Variants in MDN1 observed in about 807,000 individuals in gnomAD.
MDN1 encodes midasin AAA ATPase 1.
A neutral mutation model predicts 669.2 loss-of-function variants in MDN1; 266 were observed. That is an observed-to-expected ratio of 0.40 (90% CI 0.36 to 0.44). MDN1 has a LOEUF of 0.44. Among genes scored for constraint, MDN1 ranks in the 20% least tolerant of loss-of-function variants. The pLI is 1.00. For missense variants in MDN1, 5,940 were observed against 6,754.0 expected (o/e 0.88, Z 4.22); for synonymous variants, 2,385 against 2,457.1 (o/e 0.97, Z 0.87).
intron 79 of MDN1, 94 bp from the exon 80 acceptor site, chr6:89,673,556 G>A: frequency 9.1e-7 from 1 of 1,101,504 alleles, no homozygotes; most frequent in Non-Finnish European, 1.3e-6. Context: ...ATGCAAGGTA[G>A]AACTCATCAT....
chr6:89,696,669 A>C, intron 59 of MDN1, 95 bp from the exon 60 acceptor site: 1 of 940,622 alleles, frequency 1.1e-6, no homozygotes, highest in Non-Finnish European at 1.7e-6. Context: ...CAGACAGTTC[A>C]GGTTGCTTGG....
intron 14 of MDN1, 76 bp downstream of exon 14, chr6:89,772,497 T>G: frequency 6.5e-7 from 1 of 1,532,288 alleles, no homozygotes; most frequent in Non-Finnish European, 8.9e-7. Context: ...GTCTTTGGAT[T>G]TAGTATTTTT....
intron 64 of MDN1, 149 bp downstream of exon 64, chr6:89,690,524 C>T: frequency 9.7e-7 from 1 of 1,029,758 alleles, no homozygotes; most frequent in Non-Finnish European, 1.4e-6. Flanking sequence ...CGCCACTGCA[C>T]TCCAGCCTGG....
chr6:89,722,104 T>C (rs1814868153), intron 40 of MDN1, among the ~76,000 whole-genome samples: 1 of 152,232 alleles, frequency 6.6e-6, no homozygotes, highest in Non-Finnish European at 1.5e-5. Flanking sequence ...CTATAGCTAC[T>C]GTGAGCATTC....
chr6:89,797,288 T>C (rs1272144179), intron 2 of MDN1, among the ~76,000 whole-genome samples: 1 of 144,284 alleles, frequency 6.9e-6, no homozygotes, highest in African/African-American at 2.6e-5. Flanking sequence ...GAGAATCGCT[T>C]GAACCTGGGA....
intron 39 of MDN1, 23 bp from the exon 40 acceptor site, chr6:89,723,166 G>A (rs1241384730): frequency 1.9e-6 from 3 of 1,608,088 alleles, no homozygotes; most frequent in South Asian, 1.1e-5. Flanking sequence ...CATCCTGATT[G>A]GGAAACATGC....
intron 27 of MDN1, 93 bp downstream of exon 27, chr6:89,747,236 T>C: frequency 1.4e-6 from 2 of 1,401,542 alleles, no homozygotes; most frequent in Non-Finnish European, 2.0e-6. Context: ...GTCAAATGTA[T>C]GTATCAATCA....
At chr6:89,774,208 A>G (rs1275633120) in intron 13 of MDN1, among the ~76,000 whole-genome samples, 1 of 152,216 alleles carries the variant, frequency 6.6e-6, no homozygotes. Flanking sequence ...CAACCACTAC[A>G]TGAGAAAATA....
At chr6:89,665,331 TTA>T (rs1810113229) in intron 84 of MDN1, among the ~76,000 whole-genome samples, 2 of 152,128 alleles carry the variant, frequency 1.3e-5, no homozygotes, top group South Asian at 4.1e-4. Flanking sequence ...CCAGCCTAAT[TTA>T]TATGTTTCTA....
Position 89,687,036 on chromosome 6 carries a change from G to A in MDN1, c.11451-13C>T. The A allele has an allele frequency of 1.2e-6, 2 of 1,610,138 alleles. No individual in the cohort carries two copies. The highest frequency in any genetic ancestry group is 1.7e-5 in the Admixed American group (1 of 58,788). Reference sequence around the variant, plus strand: ...CATGGACCAGCAGCTGAAACGAGAAGAAGCCAAGGAGGCATTTAGGAAAAC... The same window carrying A: ...CATGGACCAGCAGCTGAAACGAGAAAAAGCCAAGGAGGCATTTAGGAAAAC... On this transcript the variant is annotated splice_polypyrimidine_tract_variant and intron_variant, in intron 68 of 101. Coordinates refer to ENST00000369393, the MANE Select transcript of MDN1 (RefSeq NM_014611.3).
At chr6:89,687,585 A>G in intron 67 of MDN1, 147 bp from the exon 68 acceptor site, 1 of 667,932 alleles carries the variant, frequency 1.5e-6, no homozygotes, top group Non-Finnish European at 2.5e-6. Context: ...TTTACAGTGT[A>G]TCAGCTTCAA....
intron 92 of MDN1, 38 bp from the exon 93 acceptor site, chr6:89,654,372 G>A: frequency 6.2e-7 from 1 of 1,608,664 alleles, no homozygotes; most frequent in Non-Finnish European, 8.5e-7. Flanking sequence ...AAAAATCCTA[G>A]GTCTTTGCAG....
At chr6:89,815,201 G>C in intron 1 of MDN1, 1 of 384,484 alleles carries the variant, frequency 2.6e-6, no homozygotes, top group Non-Finnish European at 5.1e-6. Context: ...TACGGCAGTG[G>C]AGGCGGGAGA....
At chr6:89,731,157 G>C (rs1424348220) in intron 34 of MDN1, among the ~76,000 whole-genome samples, 1 of 152,192 alleles carries the variant, frequency 6.6e-6, no homozygotes, top group African/African-American at 2.4e-5. Flanking sequence ...GTCACTCAGT[G>C]ATAAATCAGC....
At position 89,797,351 on chromosome 6, in the gene MDN1, C is replaced by T. The variant is rs557786791; in HGVS notation, c.330-2550G>A. Among the ~76,000 whole-genome samples, 27 of 123,454 alleles carry T rather than the reference C, an allele frequency of 2.2e-4. 1 individual carries two copies. The South Asian group carries it at 4.6e-3, about 21-fold the overall frequency. 81.0% of individuals were successfully genotyped at this position (123,454 alleles called of 152,430 possible). On this transcript the variant is annotated intron_variant, in intron 2 of 101. Coordinates refer to ENST00000369393, the MANE Select transcript of MDN1 (RefSeq NM_014611.3). ...ATCACGCCACTGCACTCCAGCCTGG[C>T]GACAGAGCAAGACTCCATCTCAAAA... is the stretch of plus-strand genomic sequence containing the variant.
intron 1 of MDN1, chr6:89,814,952 T>C: frequency 2.0e-6 from 1 of 491,024 alleles, no homozygotes; most frequent in Non-Finnish European, 3.8e-6. Context: ...AAGAGCACCC[T>C]GGGTGCCATG....
rs758409705 is a variant in MDN1 at position 89,693,166 on chromosome 6, C to T, written c.9882-18G>A. The T allele has an allele frequency of 4.0e-6, 6 of 1,510,052 alleles. No homozygotes were observed. In the South Asian group the frequency reaches 6.4e-5, roughly 16 times the overall value. The allele number at this position is 1,510,052 out of a possible 1,614,324, so 93.5% of individuals were successfully genotyped here. On this transcript the variant is annotated intron_variant, in intron 62 of 101. Transcript: ENST00000369393. The stretch of plus-strand genomic sequence containing the variant: ...GAAGCAGCCTAACGGGAAATTAACA[C>T]AATATGCCAATTATGTCAGAAGAAG...
chr6:89,690,174 T>C, intron 64 of MDN1, 31 bp from the exon 65 acceptor site: 3 of 1,600,638 alleles, frequency 1.9e-6, no homozygotes, highest in Middle Eastern at 1.7e-4. Flanking sequence ...ATTGAACTTT[T>C]AAAAATCAGA....
In MDN1 at chr6:89,789,898, A is replaced by G. The variant is rs1819160972; in HGVS notation, c.1112T>C (p.Met371Thr). 6.2e-7 allele frequency: 1 copy of G among 1,611,268 alleles called. No homozygotes were observed. The highest frequency in any genetic ancestry group is 8.5e-7 in the Non-Finnish European group (1 of 1,179,278). Reference protein sequence around the residue: ...DQTDSKMLLGMYRCTDVPGEF... With the variant: ...DQTDSKMLLGTYRCTDVPGEF... Reference sequence around the variant, plus strand: ...TCCAGGAACATCTGTGCAGCGATACATCCCCAAAAGCATCTGCAGAAAGAA... The same window carrying G: ...TCCAGGAACATCTGTGCAGCGATACGTCCCCAAAAGCATCTGCAGAAAGAA... Residue 371 changes from methionine (M) to threonine (T), a missense_variant, in exon 7 of 102, where the codon ATG becomes ACG. Met to Thr is a moderately conservative substitution (Grantham distance 81). This residue lies in a region of MDN1 where 1,203 missense variants were observed against 1,268.9 expected (regional missense o/e 0.95). Transcript: ENST00000369393.
Sources: gnomAD v4.1 joint callset for allele counts (sites outside exome capture counted in the v4.1 genomes callset) on GRCh38, gnomAD v4.1.1 for gene constraint, gnomAD v4.1.1 regional missense constraint, MANE v1.5 for transcripts, NCBI Gene and HGNC (gene_info 2026-07-23, HGNC 2026-07-21) for gene names.